Variants in NAALADL2 observed in about 807,000 individuals in gnomAD.
NAALADL2 encodes the protein N-acetylated alpha-linked acidic dipeptidase like 2.
NAALADL2 carries 76 observed loss-of-function variants against 87.2 expected under a neutral mutation model. The observed-to-expected ratio is 0.87, with a 90% CI of 0.72 to 1.05. The LOEUF is 1.05. Among genes scored for constraint, NAALADL2 ranks in the 50% least tolerant of loss-of-function variants. The pLI is 0.00. For synonymous variants in NAALADL2, 354 were observed against 331.0 expected, an observed-to-expected ratio of 1.07 and a Z score of -0.75; for missense variants, 1,089 against 945.8, an observed-to-expected ratio of 1.15 and a Z score of -1.99.
At chr3:175,714,876 T>A (rs2087525145) in intron 11 of NAALADL2, among the ~76,000 whole-genome samples, 1 of 152,078 alleles carries the variant, frequency 6.6e-6, no homozygotes, top group African/African-American at 2.4e-5. Context: ...TATACAGAAA[T>A]TAACTCAAGA....
At chr3:174,922,612 C>T (rs548627998) in intron 1 of NAALADL2, among the ~76,000 whole-genome samples, 1 of 152,226 alleles carries the variant, frequency 6.6e-6, no homozygotes, top group South Asian at 2.1e-4. Context: ...GATATTATTT[C>T]TCTTTCATCT....
intron 2 of NAALADL2, among the ~76,000 whole-genome samples, chr3:174,703,992 A>G (rs1339512062): frequency 6.6e-6 from 1 of 152,178 alleles, no homozygotes; most frequent in African/African-American, 2.4e-5. Flanking sequence ...GAAAAGGAGA[A>G]TCTACTTTAT....
Position 175,463,466 on chromosome 3 carries a change from G to A in NAALADL2, c.1300G>A (p.Gly434Arg). 6.3e-7 allele frequency: 1 copy of A among 1,597,654 alleles called. No individual in the cohort carries two copies. The highest frequency in any genetic ancestry group is 8.5e-7 in the Non-Finnish European group (1 of 1,170,704). The change falls in exon 7 of 14, where the codon GGA becomes AGA. Residue 434 changes from glycine (G) to arginine (R), a missense_variant. Coordinates refer to ENST00000454872, the MANE Select transcript of NAALADL2 (RefSeq NM_207015.3). ...ATTGAAAACAGTTACTAATGTTGTT[G>A]GATTTGTAATGGGCTTGACATCTCC... ...TKLKTVTNVV[G>R]FVMGLTSPDR... is the part of the protein sequence containing the mutation.
chr3:175,212,232 C>T (rs532626511), intron 2 of NAALADL2, among the ~76,000 whole-genome samples: 1 of 151,776 alleles, frequency 6.6e-6, no homozygotes, highest in Non-Finnish European at 1.5e-5. Context: ...CCCATTAATG[C>T]TAGTTTATTT....
At chr3:175,295,446 C>T (rs1338635930) in intron 4 of NAALADL2, among the ~76,000 whole-genome samples, 1 of 152,090 alleles carries the variant, frequency 6.6e-6, no homozygotes, top group Non-Finnish European at 1.5e-5. Flanking sequence ...TACCTCCTTA[C>T]ACAAGTTATA....
intron 5 of NAALADL2, among the ~76,000 whole-genome samples, chr3:175,332,370 C>T (rs946875197): frequency 1.3e-5 from 2 of 152,162 alleles, no homozygotes; most frequent in African/African-American, 4.8e-5. Flanking sequence ...GGTATAAAAA[C>T]AGAAACACTA....
chr3:174,734,306 G>T (rs960106059), intron 2 of NAALADL2, among the ~76,000 whole-genome samples: 1 of 152,110 alleles, frequency 6.6e-6, no homozygotes, highest in African/African-American at 2.4e-5. Flanking sequence ...GCACATGTGT[G>T]TATCCATACT....
intron 3 of NAALADL2, among the ~76,000 whole-genome samples, chr3:174,805,347 C>T (rs141242026): frequency 6.6e-6 from 1 of 152,094 alleles, no homozygotes; most frequent in Non-Finnish European, 1.5e-5. Context: ...CCTAGGATTA[C>T]TTCGTTGTTC....
At position 174,601,287 on chromosome 3, in the gene NAALADL2, C is replaced by T. The variant is rs145157967; in HGVS notation, c.-115+50650C>T. On this transcript the variant is annotated intron_variant, in intron 2 of 3. Coordinates refer to the NAALADL2 transcript ENST00000434257. ...TGTGCGAGGGTTTCCTTTTTCTCCA[C>T]ATCCTCACCAGCATTTGTTACTGCC... 5.1e-3 allele frequency among the ~76,000 whole-genome samples: 782 copies of T among 152,230 alleles called. 4 individuals carry two copies. The highest frequency in any genetic ancestry group is 0.018 in the African/African-American group (743 of 41,554).
At chr3:174,820,349 G>A (rs1345087422) in intron 3 of NAALADL2, among the ~76,000 whole-genome samples, 1 of 152,068 alleles carries the variant, frequency 6.6e-6, no homozygotes, top group African/African-American at 2.4e-5. Context: ...TCTATTCTCA[G>A]GAATATGCAG....
rs545990144 is a variant in NAALADL2, at chr3:174,543,330, A to C, written c.-183-7239A>C. 2.0e-5 allele frequency among the ~76,000 whole-genome samples: 3 copies of C among 152,168 alleles called. No homozygotes were observed. The East Asian group carries it at 5.8e-4, about 30-fold the overall frequency. On this transcript the variant is annotated intron_variant, in intron 1 of 3. Coordinates refer to the NAALADL2 transcript ENST00000434257. ...GGCTGAATGGGAGTGGTAATGGGGG[A>C]GTGAATGAAGAAATACAGTCTAAGT...
intron 1 of NAALADL2, among the ~76,000 whole-genome samples, chr3:174,448,590 C>G (rs1222529490): frequency 6.6e-6 from 1 of 152,082 alleles, no homozygotes; most frequent in Non-Finnish European, 1.5e-5. Flanking sequence ...TTCTATTGCT[C>G]ACTGCACAGA....
intron 3 of NAALADL2, among the ~76,000 whole-genome samples, chr3:174,752,351 A>G (rs75098418): frequency 0.014 from 2,102 of 152,216 alleles, 13 homozygotes; most frequent in Middle Eastern, 0.02. Flanking sequence ...TTAATTGACA[A>G]TTTTATCCAT....
intron 2 of NAALADL2, among the ~76,000 whole-genome samples, chr3:174,659,691 G>A (rs1446014307): frequency 6.6e-6 from 1 of 152,144 alleles, no homozygotes; most frequent in Admixed American, 6.5e-5. Context: ...AGAGTGAAAG[G>A]GAAGATAAGT....
intron 3 of NAALADL2, among the ~76,000 whole-genome samples, chr3:174,771,250 T>A (rs1234425435): frequency 6.6e-6 from 1 of 152,156 alleles, no homozygotes; most frequent in African/African-American, 2.4e-5. Flanking sequence ...TTAATTGAAA[T>A]ACACAAAATT....
At chr3:175,013,133 TATAA>T (rs1750215166) in intron 1 of NAALADL2, among the ~76,000 whole-genome samples, 1 of 99,852 alleles carries the variant, frequency 1.0e-5, no homozygotes, top group African/African-American at 4.0e-5. Flanking sequence ...CATATTTATA[TATAA>T]ATATGTAATA....
intron 5 of NAALADL2, among the ~76,000 whole-genome samples, chr3:175,346,307 C>T (rs1156634563): frequency 6.6e-6 from 1 of 152,014 alleles, no homozygotes; most frequent in Non-Finnish European, 1.5e-5. Context: ...CACAAACACA[C>T]ACACATATGA....
chr3:175,232,348 C>A (rs1047247076), intron 2 of NAALADL2, among the ~76,000 whole-genome samples: 1 of 152,108 alleles, frequency 6.6e-6, no homozygotes, highest in African/African-American at 2.4e-5. Flanking sequence ...ATTGCATCTT[C>A]CTGTGTAGGC....
chr3:175,287,474 C>T (rs1211603946), intron 4 of NAALADL2, among the ~76,000 whole-genome samples: 2 of 152,112 alleles, frequency 1.3e-5, no homozygotes, highest in Non-Finnish European at 2.9e-5. Flanking sequence ...CATAACAACC[C>T]ATTGAAGGAG....
Sources: gnomAD v4.1 joint callset for allele counts (sites outside exome capture counted in the v4.1 genomes callset) on GRCh38, gnomAD v4.1.1 for gene constraint, MANE v1.5 for transcripts, NCBI Gene and HGNC (gene_info 2026-07-23, HGNC 2026-07-21) for gene names.